The following CCDC197 variants were observed in gnomAD, a reference collection of about 807,000 sequenced individuals.
CCDC197 encodes uncharacterized protein CCDC197.
CCDC197 carries 24 observed loss-of-function variants against 13.4 expected under a neutral mutation model. The ratio of observed to expected loss-of-function variants is 1.80; its 90% confidence interval spans 1.30 to 2.53. The LOEUF is 2.53. Among genes scored for constraint, CCDC197 ranks in the 30% most tolerant of loss-of-function variants. CCDC197 has a pLI of 0.00. For missense variants in CCDC197, 255 were observed against 148.8 expected, an observed-to-expected ratio of 1.71 and a Z score of -3.71; for synonymous variants, 99 against 55.5, an observed-to-expected ratio of 1.78 and a Z score of -3.48.
At chr14:93,990,909 G>A (rs1890199657) in intron 1 of CCDC197, among the ~76,000 whole-genome samples, 1 of 152,226 alleles carries the variant, frequency 6.6e-6, no homozygotes, top group Non-Finnish European at 1.5e-5. Flanking sequence ...AACCCCAGGA[G>A]GTAGGTAATA....
At chr14:93,989,852 T>C (rs1890175470) in intron 1 of CCDC197, among the ~76,000 whole-genome samples, 1 of 152,136 alleles carries the variant, frequency 6.6e-6, no homozygotes, top group Non-Finnish European at 1.5e-5. Flanking sequence ...TGGGGAAGAA[T>C]CTACATTCAA....
intron 6 of CCDC197, 31 bp downstream of exon 6, chr14:94,005,002 T>C (rs1295927736): frequency 1.4e-6 from 1 of 697,466 alleles, no homozygotes; most frequent in Non-Finnish European, 2.6e-6. Flanking sequence ...GCGGGGCTCC[T>C]GACTGCCCCA....
At chr14:94,006,831 G>T (rs1890693823) in intron 6 of CCDC197, among the ~76,000 whole-genome samples, 1 of 151,822 alleles carries the variant, frequency 6.6e-6, no homozygotes, top group African/African-American at 2.4e-5. Context: ...TTGTATTTTT[G>T]CTTGTTTGTT....
chr14:93,997,773 T>C (rs767010724), intron 1 of CCDC197, among the ~76,000 whole-genome samples: 3 of 152,168 alleles, frequency 2.0e-5, no homozygotes, highest in Non-Finnish European at 4.4e-5. Context: ...GGCATCTTGG[T>C]GGCCAGGAAC....
At chr14:93,994,933 T>G (rs1567040678), upstream of CCDC197, among the ~76,000 whole-genome samples, 1 of 152,234 alleles carries the variant, frequency 6.6e-6, no homozygotes, top group Non-Finnish European at 1.5e-5. Flanking sequence ...CCACTCAACC[T>G]CCCAGATGGT....
chr14:93,999,555 G>C (rs1567042447), intron 2 of CCDC197, 28 bp from the exon 3 acceptor site: 2 of 780,482 alleles, frequency 2.6e-6, no homozygotes, highest in East Asian at 4.8e-5. Context: ...GGAGCCTCCA[G>C]GCCATGTTCC....
Position 93,998,155 on chromosome 14 carries a change from G to A in CCDC197, c.24G>A (p.Gln8=), listed in dbSNP as rs1567041979. 2.6e-6 allele frequency: 2 copies of A among 780,830 alleles called. No homozygotes were observed. Among genetic ancestry groups the A allele is most frequent in the Non-Finnish European group, 4.8e-6 (2 of 418,126 alleles). 48.4% of individuals were successfully genotyped at this position (780,830 alleles called of 1,614,324 possible). A position where few individuals can be genotyped will look rare whatever the true frequency, so the allele number is the denominator to read the frequency against. MAAMDTG[Q]RADPSNPGDK... ...TGATGGCAGCCATGGACACAGGCCA[G>A]AGAGCTGACCCAAGCAATCCTGGTG... is the stretch of plus-strand genomic sequence containing the variant. Residue 8 remains glutamine (Q), a synonymous_variant, in exon 2 of 7, where the codon CAG becomes CAA. Transcript: ENST00000636493.
chr14:94,000,926 C>T, intron 3 of CCDC197: 1 of 402,714 alleles, frequency 2.5e-6, no homozygotes, highest in Non-Finnish European at 4.2e-6. Context: ...GCTGAACTTT[C>T]CAAGGTTGAG....
At chr14:94,004,308 C>T (rs1157127316) in intron 5 of CCDC197, among the ~76,000 whole-genome samples, 1 of 152,192 alleles carries the variant, frequency 6.6e-6, no homozygotes, top group Admixed American at 6.5e-5. Context: ...CTGGGCACAC[C>T]TTCCCTGCAC....
At chr14:94,002,784 C>CGGAG (rs1423508139) in intron 4 of CCDC197, among the ~76,000 whole-genome samples, 1 of 143,732 alleles carries the variant, frequency 7.0e-6, no homozygotes, top group Admixed American at 7.4e-5. Flanking sequence ...ACCCAGGAGG[C>CGGAG]GGAGGTCGCA....
chr14:93,989,330 C>T (rs1003867487), intron 1 of CCDC197, among the ~76,000 whole-genome samples: 7 of 152,134 alleles, frequency 4.6e-5, no homozygotes, highest in Admixed American at 6.5e-5. Context: ...ATGAAAATTT[C>T]GGGCTGCTCT....
chr14:93,989,794 G>C (rs1196893429), intron 1 of CCDC197, among the ~76,000 whole-genome samples: 2 of 152,112 alleles, frequency 1.3e-5, no homozygotes, highest in East Asian at 3.9e-4. Context: ...TCTTTTCTTT[G>C]GGTCCCATTA....
intron 1 of CCDC197, 122 bp from the exon 2 acceptor site, chr14:93,997,877 G>A (rs951990495): frequency 1.2e-5 from 6 of 510,152 alleles, no homozygotes; most frequent in Admixed American, 3.3e-5. Context: ...TCCAGAGCTG[G>A]GGATGCAGCC....
At position 94,001,099 on chromosome 14, in the gene CCDC197, C is replaced by T. The variant is rs529618307; in HGVS notation, c.188-46C>T. The T allele has an allele frequency of 9.9e-6, 7 of 708,190 alleles. No individual in the cohort carries two copies. In the African/African-American group the frequency reaches 1.2e-4, roughly 12 times the overall value. 43.9% of individuals were successfully genotyped at this position (708,190 alleles called of 1,614,324 possible). ...TCCTGGCCACCCTGTTGGCATGGCC[C>T]ACTGCAGGGGCACCCACCCATCCCG... On this transcript the variant is annotated intron_variant, in intron 3 of 6. Transcript: ENST00000636493.
downstream of CCDC197, among the ~76,000 whole-genome samples, chr14:94,009,030 G>A (rs780409771): frequency 6.6e-6 from 1 of 152,310 alleles, no homozygotes; most frequent in South Asian, 2.1e-4. Context: ...GGGAGAGAGA[G>A]GCAGGTTCCC....
chr14:94,004,835 C>T lies in CCDC197; in HGVS notation c.499-20C>T, dbSNP rs534405386. ...TGGGAGAGAGCCTGAGCCACCACCT[C>T]CTCCTTCTCTTTCCTGCAGGATCAG... On this transcript the variant is annotated intron_variant, in intron 5 of 6. Coordinates refer to ENST00000636493, the MANE Select transcript of CCDC197 (RefSeq NM_001351596.2). 1 of 702,424 alleles carries T rather than the reference C, an allele frequency of 1.4e-6. No individual in the cohort carries two copies. Among genetic ancestry groups the T allele is most frequent in the Admixed American group, 2.0e-5 (1 of 49,968 alleles). 43.5% of individuals were successfully genotyped at this position (702,424 alleles called of 1,614,324 possible).
chr14:94,001,087 G>A, intron 3 of CCDC197, 58 bp from the exon 4 acceptor site: 1 of 682,628 alleles, frequency 1.5e-6, no homozygotes, highest in South Asian at 1.6e-5. Flanking sequence ...TGGCCACCCT[G>A]TTGGCATGGC....
chr14:93,993,541 G>A (rs1308429202), upstream of CCDC197, among the ~76,000 whole-genome samples: 1 of 152,192 alleles, frequency 6.6e-6, no homozygotes, highest in South Asian at 2.1e-4. Flanking sequence ...GCCTCAACCC[G>A]CAGCCCCACT....
At chr14:93,999,733 A>G in intron 3 of CCDC197, 68 bp downstream of exon 3, 1 of 771,100 alleles carries the variant, frequency 1.3e-6, no homozygotes, top group Non-Finnish European at 2.4e-6. Flanking sequence ...GGACTGCGAC[A>G]CCGTGTGTGG....
Sources: gnomAD v4.1 joint callset for allele counts (sites outside exome capture counted in the v4.1 genomes callset) on GRCh38, gnomAD v4.1.1 for gene constraint, MANE v1.5 for transcripts, NCBI Gene and HGNC (gene_info 2026-07-23, HGNC 2026-07-21) for gene names.